Variants in CYP2C19 observed in about 807,000 individuals in gnomAD.
CYP2C19 encodes cytochrome P450 2C19.
Under a neutral mutation model 40.9 loss-of-function variants are expected in CYP2C19, and 59 were observed. That is an observed-to-expected ratio of 1.44 (90% CI 1.17 to 1.79). CYP2C19 has a LOEUF of 1.79. Among genes scored for constraint, CYP2C19 ranks in the 40% most tolerant of loss-of-function variants. CYP2C19 has a pLI of 0.00. For synonymous variants in CYP2C19, 253 were observed against 208.7 expected (o/e 1.21, Z -1.83); for missense variants, 754 against 596.9 (o/e 1.26, Z -2.74).
intron 7 of CYP2C19, 152 bp downstream of exon 7, chr10:94,843,176 A>G (rs1312121878): frequency 2.1e-6 from 2 of 942,354 alleles, no homozygotes; most frequent in African/African-American, 1.6e-5. Flanking sequence ...CCAGTTTGGG[A>G]CTATAAAGAT....
chr10:94,827,641 G>A (rs942108420), intron 6 of CYP2C19, among the ~76,000 whole-genome samples: 1 of 152,198 alleles, frequency 6.6e-6, no homozygotes, highest in East Asian at 1.9e-4. Flanking sequence ...TTTTTTGAAG[G>A]GTCTTTTGTG....
At chr10:94,851,055 C>T (rs1296164295) in intron 8 of CYP2C19, among the ~76,000 whole-genome samples, 1 of 152,060 alleles carries the variant, frequency 6.6e-6, no homozygotes, top group Non-Finnish European at 1.5e-5. Flanking sequence ...ACATTTAGCA[C>T]ATGTATCAGT....
At chr10:94,764,351 C>A (rs1398113974) in intron 1 of CYP2C19, among the ~76,000 whole-genome samples, 1 of 152,090 alleles carries the variant, frequency 6.6e-6, no homozygotes, top group Non-Finnish European at 1.5e-5. Flanking sequence ...TGTTTACAAA[C>A]CTTTAGCTAG....
chr10:94,838,264 G>T (rs1308969342), intron 6 of CYP2C19, among the ~76,000 whole-genome samples: 1 of 152,174 alleles, frequency 6.6e-6, no homozygotes, highest in Non-Finnish European at 1.5e-5. Context: ...GGCCTGTGGG[G>T]AATCATTCTC....
chr10:94,797,107 A>T (rs2134250025), intron 5 of CYP2C19, among the ~76,000 whole-genome samples: 1 of 152,242 alleles, frequency 6.6e-6, no homozygotes, highest in Middle Eastern at 3.4e-3. Context: ...TTGCCCATTC[A>T]GTATGATATT....
intron 1 of CYP2C19, among the ~76,000 whole-genome samples, chr10:94,773,414 AGCT>A (rs1848362523): frequency 6.6e-6 from 1 of 152,158 alleles, no homozygotes; most frequent in African/African-American, 2.4e-5. Flanking sequence ...TCAAGGGTGA[AGCT>A]GCAGACCTTC....
chr10:94,845,274 A>G (rs74390465), intron 7 of CYP2C19, among the ~76,000 whole-genome samples: 1 of 152,244 alleles, frequency 6.6e-6, no homozygotes, highest in South Asian at 2.1e-4. Flanking sequence ...CTATTGTAGC[A>G]TGAAAGCAGT....
rs137855030 is a variant in CYP2C19, at chr10:94,841,973, T to C, written c.962-864T>C. 6.6e-4 allele frequency among the ~76,000 whole-genome samples: 100 copies of C among 152,348 alleles called. 1 individual carries two copies. Among genetic ancestry groups the C allele is most frequent in the Non-Finnish European group, 7.2e-4 (49 of 68,030 alleles). On this transcript the variant is annotated intron_variant, in intron 6 of 8. Transcript: ENST00000371321. ...GAAAAGAATGTGTATCTGTAGCAGT[T>C]GGATGAAATATTCTGCAAATATCTA...
intron 5 of CYP2C19, among the ~76,000 whole-genome samples, chr10:94,801,832 T>C (rs539714867): frequency 6.6e-6 from 1 of 152,268 alleles, no homozygotes; most frequent in South Asian, 2.1e-4. Flanking sequence ...TGTGTCTGGA[T>C]TTTGTTCCTT....
At chr10:94,804,898 T>C (rs541261567) in intron 5 of CYP2C19, among the ~76,000 whole-genome samples, 1 of 152,212 alleles carries the variant, frequency 6.6e-6, no homozygotes, top group Non-Finnish European at 1.5e-5. Context: ...TCTTTAGCAA[T>C]GTTTAATAGT....
At chr10:94,829,786 T>C (rs972608291) in intron 6 of CYP2C19, among the ~76,000 whole-genome samples, 1 of 151,618 alleles carries the variant, frequency 6.6e-6, no homozygotes, top group Admixed American at 6.6e-5. Flanking sequence ...CTTTGTGGTT[T>C]TATCTACTTT....
At chr10:94,810,283 G>A (rs1029913755) in intron 5 of CYP2C19, among the ~76,000 whole-genome samples, 1 of 152,192 alleles carries the variant, frequency 6.6e-6, no homozygotes, top group Non-Finnish European at 1.5e-5. Flanking sequence ...GATTCAGTTT[G>A]CCAGTATTTT....
chr10:94,804,720 C>T (rs773396127), intron 5 of CYP2C19, among the ~76,000 whole-genome samples: 5 of 152,144 alleles, frequency 3.3e-5, no homozygotes, highest in Non-Finnish European at 2.9e-5. Flanking sequence ...GGCTGTTTGT[C>T]CACATTTTCC....
At chr10:94,824,885 C>T (rs1244264527) in intron 6 of CYP2C19, among the ~76,000 whole-genome samples, 2 of 148,146 alleles carry the variant, frequency 1.4e-5, no homozygotes, top group Admixed American at 1.4e-4. Flanking sequence ...CAATTCCCAC[C>T]TATGAGTGAG....
At chr10:94,795,523 A>G (rs1446223904) in intron 5 of CYP2C19, among the ~76,000 whole-genome samples, 2 of 152,120 alleles carry the variant, frequency 1.3e-5, no homozygotes, top group African/African-American at 4.8e-5. Context: ...TTACCCAGTA[A>G]TGGGATGGCT....
chr10:94,828,185 G>T (rs1849262812), intron 6 of CYP2C19, among the ~76,000 whole-genome samples: 1 of 152,092 alleles, frequency 6.6e-6, no homozygotes, highest in African/African-American at 2.4e-5. Flanking sequence ...AGGTCCGCTT[G>T]GTGCAGACCT....
At chr10:94,827,292 T>C (rs539208054) in intron 6 of CYP2C19, among the ~76,000 whole-genome samples, 78 of 152,078 alleles carry the variant, frequency 5.1e-4, no homozygotes, top group Non-Finnish European at 2.8e-4. Context: ...CGTCTGGTCC[T>C]GGACTCTTTT....
chr10:94,787,481 C>T (rs1021176284), intron 5 of CYP2C19, among the ~76,000 whole-genome samples: 4 of 152,080 alleles, frequency 2.6e-5, no homozygotes, highest in African/African-American at 9.7e-5. Context: ...TCTTGCTGTG[C>T]AGAAGCTCTT....
intron 5 of CYP2C19, among the ~76,000 whole-genome samples, chr10:94,789,304 C>A (rs138613753): frequency 6.6e-6 from 1 of 151,956 alleles, no homozygotes; most frequent in South Asian, 2.1e-4. Context: ...GGCCTGTTCA[C>A]TCTGACGATA....
Sources: allele counts gnomAD v4.1 joint callset (sites outside exome capture counted in the v4.1 genomes callset), GRCh38; gene constraint gnomAD v4.1.1; transcripts MANE v1.5; gene names NCBI Gene and HGNC (gene_info 2026-07-23, HGNC 2026-07-21).